The following ANPEP variants were observed in gnomAD, a reference collection of about 807,000 sequenced individuals.
The protein encoded by ANPEP is alanyl aminopeptidase, membrane, also known as aminopeptidase N.
ANPEP carries 70 observed loss-of-function variants against 114.6 expected under a neutral mutation model. That is an observed-to-expected ratio of 0.61 (90% CI 0.50 to 0.75). The LOEUF (loss-of-function observed/expected upper bound fraction) is 0.75. ANPEP is among the 30% of genes least tolerant of loss of function. ANPEP has a pLI of 0.00. For synonymous variants in ANPEP, 548 were observed against 522.3 expected (o/e 1.05, Z -0.67); for missense variants, 1,184 against 1,259.5 (o/e 0.94, Z 0.91).
intron 20 of ANPEP, 107 bp downstream of exon 20, chr15:89,790,351 GGC>G: frequency 1.1e-6 from 1 of 917,260 alleles, no homozygotes. Flanking sequence ...AGGAAGGCCT[GGC>G]GGCGTGGAGC....
rs745571620 is a variant in ANPEP at position 89,804,373 on chromosome 15, G to C, written c.1059C>G (p.Ala353=). Reference sequence around the variant, plus strand: ...AGGTCACCAGTCCCCAGTTCTCCATGGCGCCGGCGTTGAAGTCTGGCAGGC... The same window carrying C: ...AGGTCACCAGTCCCCAGTTCTCCATCGCGCCGGCGTTGAAGTCTGGCAGGC... ...QIGLPDFNAG[A]MENWGLVTYR... is the part of the protein sequence containing the mutation. Residue 353 remains alanine (A), a synonymous_variant, in exon 6 of 21, where the codon GCC becomes GCG. Coordinates refer to ENST00000300060, the MANE Select transcript of ANPEP (RefSeq NM_001150.3). The C allele has an allele frequency of 1.2e-6, 2 of 1,614,206 alleles. No individual in the cohort carries two copies. Among genetic ancestry groups the C allele is most frequent in the Non-Finnish European group, 1.7e-6 (2 of 1,180,032 alleles).
intron 15 of ANPEP, among the ~76,000 whole-genome samples, chr15:89,794,331 A>G (rs1968688651): frequency 6.6e-6 from 1 of 151,948 alleles, no homozygotes; most frequent in African/African-American, 2.4e-5. Flanking sequence ...TAAAAATACA[A>G]AAATTAGCCA....
Position 89,803,620 on chromosome 15 carries a change from C to A in ANPEP, c.1437+27G>T. Reference sequence around the variant, plus strand: ...CCAGGCCAAGTCCCCACCTCCTTCCCCGTGCCCCACGAGGAGCGGGCTGCA... The same window carrying A: ...CCAGGCCAAGTCCCCACCTCCTTCCACGTGCCCCACGAGGAGCGGGCTGCA... On this transcript the variant is annotated intron_variant, in intron 8 of 20. Transcript: ENST00000300060. The surrounding 1 kb of genome is among the most constrained non-coding windows in gnomAD (Gnocchi z 4.2). The A allele has an allele frequency of 6.2e-7, 1 of 1,605,364 alleles. No homozygotes were observed.
In ANPEP at chr15:89,785,347, G is replaced by A; in HGVS notation, c.*2C>T. 6.2e-7 allele frequency: 1 copy of A among 1,614,208 alleles called. No homozygotes were observed. The highest frequency in any genetic ancestry group is 1.1e-5 in the South Asian group (1 of 91,078). The stretch of plus-strand genomic sequence containing the variant: ...GGGCCGGGTGACTTCAAGGGCTGGG[G>A]ACTATTTGCTGTTTTCTGTGAACCA... On this transcript the variant is annotated 3_prime_UTR_variant, in exon 21 of 21. Coordinates refer to ENST00000300060, the MANE Select transcript of ANPEP (RefSeq NM_001150.3).
chr15:89,792,369 G>T (rs1349622283), intron 17 of ANPEP, 42 bp from the exon 18 acceptor site: 1 of 1,612,792 alleles, frequency 6.2e-7, no homozygotes, highest in Admixed American at 1.7e-5. Flanking sequence ...CAGCAGCGGG[G>T]AGGGTGGGAC....
At chr15:89,811,641 A>G (rs916066614) in intron 1 of ANPEP, among the ~76,000 whole-genome samples, 89 of 149,654 alleles carry the variant, frequency 5.9e-4, no homozygotes, top group African/African-American at 2.1e-3. Context: ...GTGAGACTCC[A>G]TCTCAAGTAA....
intron 20 of ANPEP, 113 bp downstream of exon 20, chr15:89,790,347 G>A: frequency 1.2e-6 from 1 of 865,450 alleles, no homozygotes. Context: ...AATGAGGAAG[G>A]CCTGGCGGCG....
Position 89,799,409 on chromosome 15 carries a change from G to A in ANPEP, c.1953+17C>T, listed in dbSNP as rs370037341. ...GTCCTGGGGCAGGGGGCAGGGCGAG[G>A]GGTGGCAGACACTCACCGAGTGGTC... On this transcript the variant is annotated intron_variant, in intron 13 of 20. Transcript: ENST00000300060. This position sits in a 1 kb window ranked among gnomAD's most constrained non-coding sequence, Gnocchi z 4.2. The A allele has an allele frequency of 1.9e-6, 3 of 1,614,036 alleles. No individual in the cohort carries two copies. Among genetic ancestry groups the A allele is most frequent in the African/African-American group, 2.7e-5 (2 of 74,912 alleles).
rs145177590 is a variant in ANPEP, at chr15:89,799,277, G to A, written c.1992C>T (p.Asp664=). Residue 664 remains aspartate (D), a synonymous_variant, in exon 14 of 21, where the codon GAC becomes GAT. Transcript: ENST00000300060. This position sits in a 1 kb window ranked among gnomAD's most constrained non-coding sequence, Gnocchi z 4.2. ...GCACTCACCTGGCCAGGTTGAAGGC[G>A]TCATTAATGATCTGTGCCCGATTGA... ...PVINRAQIIN[D]AFNLASAHKV... 4.8e-4 allele frequency: 767 copies of A among 1,614,176 alleles called. 1 individual carries two copies. In the Middle Eastern group the frequency reaches 0.011, roughly 24 times the overall value.
chr15:89,785,294 G>C lies in ANPEP; in HGVS notation c.*55C>G. On this transcript the variant is annotated 3_prime_UTR_variant, in exon 21 of 21. Transcript: ENST00000300060. ...ATGGAGGCCCTGCACCAGCCGCTGG[G>C]ATGGACACATGTGGGCACCTTGCAT... 4 of 1,607,048 alleles carry C rather than the reference G, an allele frequency of 2.5e-6. No homozygotes were observed. The Admixed American group carries it at 6.7e-5, about 27-fold the overall frequency.
At chr15:89,792,354 T>G (rs1482011508) in intron 17 of ANPEP, 27 bp from the exon 18 acceptor site, 1 of 1,613,092 alleles carries the variant, frequency 6.2e-7, no homozygotes, top group Non-Finnish European at 8.5e-7. Context: ...AGGTCAGGTG[T>G]GGAACAGCAG....
chr15:89,800,401 T>C (rs959116991), intron 12 of ANPEP, among the ~76,000 whole-genome samples: 1 of 152,122 alleles, frequency 6.6e-6, no homozygotes, highest in Admixed American at 6.6e-5. Context: ...AGCACAGCAC[T>C]AGAATGCCTC....
Position 89,799,680 on chromosome 15 carries a change from G to A in ANPEP, c.1820-121C>T. On this transcript the variant is annotated intron_variant, in intron 12 of 20. Transcript: ENST00000300060. This position sits in a 1 kb window ranked among gnomAD's most constrained non-coding sequence, Gnocchi z 4.2. Reference sequence around the variant, plus strand: ...CACCTCACCCTCAAGCTGCTGGGGAGACGCTAAGGGTGGGGAAGGAAGGGA... The same window carrying A: ...CACCTCACCCTCAAGCTGCTGGGGAAACGCTAAGGGTGGGGAAGGAAGGGA... The A allele has an allele frequency of 7.1e-7, 1 of 1,414,580 alleles. No individual in the cohort carries two copies. The highest frequency in any genetic ancestry group is 9.7e-7 in the Non-Finnish European group (1 of 1,030,760). 87.6% of individuals were successfully genotyped at this position (1,414,580 alleles called of 1,614,324 possible). A position where few individuals can be genotyped will look rare whatever the true frequency, so the allele number is the denominator to read the frequency against.
At position 89,803,627 on chromosome 15, in the gene ANPEP, C is replaced by G. The variant is rs769425788; in HGVS notation, c.1437+20G>C. 9.3e-6 allele frequency: 15 copies of G among 1,606,676 alleles called. No individual in the cohort carries two copies. The highest frequency in any genetic ancestry group is 1.2e-5 in the Non-Finnish European group (14 of 1,175,782). Reference sequence around the variant, plus strand: ...AAGTCCCCACCTCCTTCCCCGTGCCCCACGAGGAGCGGGCTGCACCTTGCT... The same window carrying G: ...AAGTCCCCACCTCCTTCCCCGTGCCGCACGAGGAGCGGGCTGCACCTTGCT... On this transcript the variant is annotated intron_variant, in intron 8 of 20. Coordinates refer to ENST00000300060, the MANE Select transcript of ANPEP (RefSeq NM_001150.3). The surrounding 1 kb of genome is among the most constrained non-coding windows in gnomAD (Gnocchi z 4.2).
rs990372826 is a variant in ANPEP, at chr15:89,811,779, C to T, written c.-224+2993G>A. ...TATGATGTTGGGGTTGCTGGCCCTG[C>T]GGGTTGTCTTTGGTGCAGGCTCTTT... On this transcript the variant is annotated intron_variant, in intron 1 of 20. Transcript: ENST00000300060. Among the ~76,000 whole-genome samples, 4 of 152,132 alleles carry T rather than the reference C, an allele frequency of 2.6e-5. No homozygotes were observed. In the South Asian group the frequency reaches 8.3e-4, roughly 31 times the overall value.
chr15:89,788,868 C>A (rs1387849044), intron 20 of ANPEP, among the ~76,000 whole-genome samples: 1 of 151,982 alleles, frequency 6.6e-6, no homozygotes, highest in Non-Finnish European at 1.5e-5. Context: ...GATCCTCCTG[C>A]GTTGGCCTCC....
Position 89,804,124 on chromosome 15 carries a change from C to T in ANPEP, c.1180-122G>A, listed in dbSNP as rs946507706. On this transcript the variant is annotated intron_variant, in intron 6 of 20. Coordinates refer to ENST00000300060, the MANE Select transcript of ANPEP (RefSeq NM_001150.3). ...AGTGGGGATTTCAACACCATCGTGA[C>T]CCCTTCCTGCTGCCCTGCCAGGCGG... The T allele has an allele frequency of 2.6e-6, 4 of 1,546,080 alleles. No individual in the cohort carries two copies. The East Asian group carries it at 9.0e-5, about 35-fold the overall frequency.
rs544462691 is a variant in ANPEP, at chr15:89,793,215, C to G, written c.2158-89G>C. On this transcript the variant is annotated intron_variant, in intron 15 of 20. Coordinates refer to ENST00000300060, the MANE Select transcript of ANPEP (RefSeq NM_001150.3). ...AGCCTCTGATGTTGGGGGGCAGGCGCTGGCAGAGACGTCAGAGGTCAGGGC... is the reference window on the plus strand; with the variant it reads ...AGCCTCTGATGTTGGGGGGCAGGCGGTGGCAGAGACGTCAGAGGTCAGGGC... 426 of 1,175,596 alleles carry G rather than the reference C, an allele frequency of 3.6e-4. No homozygotes were observed. The African/African-American group carries it at 5.8e-3, about 16-fold the overall frequency. The allele number at this position is 1,175,596 out of a possible 1,614,324, so 72.8% of individuals were successfully genotyped here.
Position 89,806,068 on chromosome 15 carries a change from C to A in ANPEP, c.516G>T (p.Lys172Asn). ...CGCTGTCCATCTCATACTGGCTGTC[C>A]TTCACCAGGGAGCCCTTGAGGTGCA... Reference protein sequence around the residue: ...LVVHLKGSLVKDSQYEMDSEF... With the variant: ...LVVHLKGSLVNDSQYEMDSEF... Residue 172 changes from lysine to asparagine, a missense_variant, in exon 2 of 21, where the codon AAG becomes AAT. Physicochemically the swap from Lys to Asn is moderately conservative, Grantham distance 94. Coordinates refer to ENST00000300060, the MANE Select transcript of ANPEP (RefSeq NM_001150.3). The surrounding 1 kb of genome is among the most constrained non-coding windows in gnomAD (Gnocchi z 5.7). The A allele has an allele frequency of 1.2e-6, 2 of 1,614,008 alleles. No individual in the cohort carries two copies. The highest frequency in any genetic ancestry group is 2.2e-5 in the South Asian group (2 of 91,080).
Sources: allele counts gnomAD v4.1 joint callset (sites outside exome capture counted in the v4.1 genomes callset), GRCh38; gene constraint gnomAD v4.1.1; non-coding constraint Gnocchi (gnomAD v3.1); transcripts MANE v1.5; gene names NCBI Gene and HGNC (gene_info 2026-07-23, HGNC 2026-07-21).